The following C12orf75 variants were observed in gnomAD, a reference collection of about 807,000 sequenced individuals.
C12orf75 encodes the protein overexpressed in colon carcinoma 1 protein.
Under a neutral mutation model 11.4 loss-of-function variants are expected in C12orf75, and 4 were observed. The ratio of observed to expected loss-of-function variants is 0.35; its 90% CI spans 0.17 to 0.80. C12orf75 has a LOEUF of 0.80. Ranked by LOEUF, C12orf75 falls within the 30% of genes least tolerant of loss-of-function variation. The probability of loss-of-function intolerance (pLI) is 0.52; values close to 1 mark genes in which losing one functional copy is unlikely to be tolerated. For synonymous variants in C12orf75, 30 were observed against 30.0 expected (o/e 1.00, Z 0.00); for missense variants, 89 against 80.4 (o/e 1.11, Z -0.41).
At chr12:105,355,728 G>A (rs1892772297) in intron 2 of C12orf75, among the ~76,000 whole-genome samples, 1 of 152,188 alleles carries the variant, frequency 6.6e-6, no homozygotes, top group African/African-American at 2.4e-5. Context: ...GAGAAAAGTG[G>A]TGCCAGCAAG....
intron 1 of C12orf75, among the ~76,000 whole-genome samples, chr12:105,331,195 C>T (rs1006467356): frequency 2.0e-5 from 3 of 151,944 alleles, no homozygotes; most frequent in Admixed American, 6.5e-5. Flanking sequence ...GGCTCCCCTG[C>T]AGCCGCCGGG....
intron 2 of C12orf75, among the ~76,000 whole-genome samples, chr12:105,354,288 T>C (rs1461551518): frequency 6.6e-6 from 1 of 152,164 alleles, no homozygotes; most frequent in Non-Finnish European, 1.5e-5. Flanking sequence ...TGGGATAATA[T>C]AATAACTGTG....
At chr12:105,343,421 T>G (rs887574225) in intron 1 of C12orf75, among the ~76,000 whole-genome samples, 2 of 152,216 alleles carry the variant, frequency 1.3e-5, no homozygotes, top group African/African-American at 4.8e-5. Flanking sequence ...TTATACATAT[T>G]TGCTTAATAA....
At chr12:105,366,741 T>G (rs1871483880) in intron 4 of C12orf75, 45 bp downstream of exon 4, 2 of 1,086,736 alleles carry the variant, frequency 1.8e-6, no homozygotes, top group Non-Finnish European at 1.4e-6. Context: ...TTATTTATTT[T>G]TATGTTTTAT....
chr12:105,365,758 C>G, intron 2 of C12orf75, 49 bp from the exon 3 acceptor site: 1 of 1,367,656 alleles, frequency 7.3e-7, no homozygotes, highest in Non-Finnish European at 1.0e-6. Context: ...AAATGAAGTC[C>G]CCGACTATGT....
chr12:105,355,785 C>T (rs17247866), intron 2 of C12orf75, among the ~76,000 whole-genome samples: 8,346 of 152,212 alleles, frequency 0.055, 282 homozygotes, highest in African/African-American at 0.073. Flanking sequence ...TGCACCCTTG[C>T]CTTATAGCAA....
intron 2 of C12orf75, 139 bp from the exon 3 acceptor site, chr12:105,365,668 T>C (rs931120519): frequency 4.5e-6 from 3 of 663,936 alleles, no homozygotes; most frequent in Non-Finnish European, 5.6e-6. Context: ...ATGGATAGTT[T>C]TGCTCCTCTA....
chr12:105,362,735 G>A (rs1189527141), intron 2 of C12orf75, among the ~76,000 whole-genome samples: 2 of 152,088 alleles, frequency 1.3e-5, no homozygotes, highest in African/African-American at 4.8e-5. Flanking sequence ...ATGCAAATTA[G>A]CATGGGCCTA....
chr12:105,362,523 C>G (rs564519242), intron 2 of C12orf75, among the ~76,000 whole-genome samples: 3 of 150,714 alleles, frequency 2.0e-5, no homozygotes, highest in African/African-American at 7.3e-5. Context: ...AAAAATTAGC[C>G]GGGTGTGGTG....
chr12:105,343,137 T>A (rs1892593939), intron 1 of C12orf75, among the ~76,000 whole-genome samples: 1 of 152,270 alleles, frequency 6.6e-6, no homozygotes, highest in Non-Finnish European at 1.5e-5. Context: ...AAAATTATGA[T>A]TATCATTTCT....
chr12:105,359,710 C>T (rs771425991), intron 2 of C12orf75, among the ~76,000 whole-genome samples: 3 of 150,074 alleles, frequency 2.0e-5, no homozygotes, highest in Non-Finnish European at 3.0e-5. Flanking sequence ...GGCAGAGGTT[C>T]CAGTGAACTG....
intron 2 of C12orf75, among the ~76,000 whole-genome samples, chr12:105,355,174 C>CTTTTTT (rs1252177261): frequency 1.5e-4 from 11 of 75,572 alleles, no homozygotes; most frequent in South Asian, 3.7e-4. Flanking sequence ...TTTTCTTTTT[C>CTTTTTT]TTTTTCTTTT....
At chr12:105,363,439 G>C (rs1892901230) in intron 2 of C12orf75, among the ~76,000 whole-genome samples, 1 of 152,196 alleles carries the variant, frequency 6.6e-6, no homozygotes, top group African/African-American at 2.4e-5. Flanking sequence ...TAAAAGAGTG[G>C]ATATCTGGCC....
chr12:105,345,110 GA>G (rs1224313517), intron 1 of C12orf75, among the ~76,000 whole-genome samples: 2 of 151,898 alleles, frequency 1.3e-5, no homozygotes, highest in African/African-American at 4.8e-5. Context: ...AGGCACAACT[GA>G]CCAGCATTTA....
chr12:105,331,013 G>T (rs1222754379), intron 1 of C12orf75, 76 bp downstream of exon 1: 3 of 926,482 alleles, frequency 3.2e-6, no homozygotes, highest in East Asian at 6.7e-5. Flanking sequence ...AGGGATCTTG[G>T]GTGGGGGGCG....
chr12:105,366,817 T>C, intron 4 of C12orf75, 121 bp downstream of exon 4: 1 of 643,184 alleles, frequency 1.6e-6, no homozygotes, highest in Admixed American at 2.4e-5. Context: ...CAGTGAACCA[T>C]GTATAAGTAC....
At chr12:105,368,496 G>T (rs1470318867) in intron 5 of C12orf75, among the ~76,000 whole-genome samples, 1 of 152,182 alleles carries the variant, frequency 6.6e-6, no homozygotes, top group Non-Finnish European at 1.5e-5. Context: ...CTGAAGAGTT[G>T]TTGTTAGGAT....
At chr12:105,363,401 G>C (rs1279667099) in intron 2 of C12orf75, among the ~76,000 whole-genome samples, 1 of 152,228 alleles carries the variant, frequency 6.6e-6, no homozygotes, top group Non-Finnish European at 1.5e-5. Flanking sequence ...AGTATGCAAA[G>C]ACAGGCTTTA....
At chr12:105,349,608 G>A (rs535811501) in intron 2 of C12orf75, among the ~76,000 whole-genome samples, 2 of 152,348 alleles carry the variant, frequency 1.3e-5, no homozygotes, top group East Asian at 1.9e-4. Context: ...AGGTATGGTG[G>A]CGCATGCCTG....
Sources: allele counts gnomAD v4.1 joint callset (sites outside exome capture counted in the v4.1 genomes callset), GRCh38; gene constraint gnomAD v4.1.1; transcripts MANE v1.5; gene names NCBI Gene and HGNC (gene_info 2026-07-23, HGNC 2026-07-21).